Variants in OR8J1 observed in about 807,000 individuals in gnomAD.
The protein encoded by OR8J1 is olfactory receptor family 8 subfamily J member 1.
For missense variants in OR8J1, 400 were observed against 373.0 expected (o/e 1.07, Z -0.60); for synonymous variants, 157 against 144.3 (o/e 1.09, Z -0.63).
rs1395121740 is a variant in OR8J1, at chr11:56,361,255, G to T, written c.*58G>T. ...TAATATAAGCTGCCATTATGTAAAA[G>T]AAAATGTAGGAAAAAGAAAAGGTAG... On this transcript the variant is annotated 3_prime_UTR_variant, in exon 2 of 2. Transcript: ENST00000533152. The T allele has an allele frequency of 4.4e-6, 3 of 679,740 alleles. No homozygotes were observed. The highest frequency in any genetic ancestry group is 1.2e-4 in the South Asian group (2 of 17,384). 42.1% of individuals were successfully genotyped at this position (679,740 alleles called of 1,614,324 possible). A position where few individuals can be genotyped will look rare whatever the true frequency, so the allele number is the denominator to read the frequency against.
Position 56,360,522 on chromosome 11 carries a change from C to T in OR8J1, c.276C>T (p.Thr92=). The change falls in exon 2 of 2, where the codon ACC becomes ACT. Residue 92 remains threonine (T), a synonymous_variant. Coordinates refer to ENST00000533152, the MANE Select transcript of OR8J1 (RefSeq NM_001005205.3). ...ACTTTTTAGTAAAGAAGAAAACTAC[C>T]TCATTCTATGAATGTGCCACCCAAC... ...LINFLVKKKT[T]SFYECATQLG... 2.5e-6 allele frequency: 4 copies of T among 1,614,174 alleles called. No homozygotes were observed. The highest frequency in any genetic ancestry group is 3.4e-6 in the Non-Finnish European group (4 of 1,180,032).
At chr11:56,354,452 A>ATAAGATAAATAAG (rs1267845534) in intron 1 of OR8J1, 127 bp downstream of exon 1, 1 of 152,198 alleles carries the variant, frequency 6.6e-6, no homozygotes, top group Non-Finnish European at 1.5e-5. Flanking sequence ...CAGAAATATG[A>ATAAGATAAATAAG]TAAGATAAAT....
At chr11:56,354,994 A>G (rs1359390500) in intron 1 of OR8J1, among the ~76,000 whole-genome samples, 2 of 152,130 alleles carry the variant, frequency 1.3e-5, no homozygotes, top group Admixed American at 1.3e-4. Context: ...AAGCAGGAGC[A>G]AGACTTTAAG....
chr11:56,357,683 A>G, intron 1 of OR8J1: 1 of 1,582,634 alleles, frequency 6.3e-7, no homozygotes, highest in South Asian at 1.1e-5. Context: ...AGATCTATGA[A>G]GGCCAAGTGG....
At chr11:56,356,693 T>G (rs562856959) in intron 1 of OR8J1, among the ~76,000 whole-genome samples, 26 of 152,210 alleles carry the variant, frequency 1.7e-4, no homozygotes, top group Non-Finnish European at 3.4e-4. Context: ...ATTTTGATTA[T>G]AAATTTTTAT....
intron 1 of OR8J1, among the ~76,000 whole-genome samples, chr11:56,354,585 A>C (rs1854943103): frequency 6.6e-6 from 1 of 152,146 alleles, no homozygotes; most frequent in Non-Finnish European, 1.5e-5. Flanking sequence ...AAATTATGTC[A>C]CTACTGAAAC....
intron 1 of OR8J1, among the ~76,000 whole-genome samples, chr11:56,355,684 A>C (rs542170212): frequency 1.3e-5 from 2 of 152,136 alleles, no homozygotes; most frequent in South Asian, 4.2e-4. Flanking sequence ...ACAGAGTGAG[A>C]CTCCATCTCA....
chr11:56,359,163 G>T (rs184579433), intron 1 of OR8J1, among the ~76,000 whole-genome samples: 1 of 151,996 alleles, frequency 6.6e-6, no homozygotes, highest in Non-Finnish European at 1.5e-5. Context: ...CACAACAGGG[G>T]AACTATAAAT....
chr11:56,354,962 A>G (rs1299020232), intron 1 of OR8J1, among the ~76,000 whole-genome samples: 1 of 152,206 alleles, frequency 6.6e-6, no homozygotes, highest in Non-Finnish European at 1.5e-5. Flanking sequence ...AAGGACTTCA[A>G]TTTGCAGGAA....
intron 1 of OR8J1, among the ~76,000 whole-genome samples, chr11:56,359,012 T>A (rs1442008627): frequency 6.6e-6 from 1 of 152,162 alleles, no homozygotes; most frequent in Admixed American, 6.6e-5. Context: ...TTGTATCTTT[T>A]TTTTTACAAG....
chr11:56,356,186 A>G (rs574844442), intron 1 of OR8J1, among the ~76,000 whole-genome samples: 1 of 152,340 alleles, frequency 6.6e-6, no homozygotes, highest in African/African-American at 2.4e-5. Context: ...AGAAGGATAC[A>G]ATAATTAATG....
At chr11:56,355,457 G>A (rs1385161475) in intron 1 of OR8J1, among the ~76,000 whole-genome samples, 4 of 151,738 alleles carry the variant, frequency 2.6e-5, no homozygotes, top group South Asian at 4.2e-4. Context: ...TCAACACCCC[G>A]TCTCTACTAA....
Position 56,360,361 on chromosome 11 carries a change from A to G in OR8J1, c.115A>G (p.Met39Val), listed in dbSNP as rs1488467758. 1.2e-6 allele frequency: 2 copies of G among 1,613,986 alleles called. No homozygotes were observed. Among genetic ancestry groups the G allele is most frequent in the Non-Finnish European group, 1.7e-6 (2 of 1,180,006 alleles). ...CTTTCTGGTGCTCTATGGGCTGACC[A>G]TGGCAGGGAACCTGGGCATCATCAC... Reference protein sequence around the residue: ...LVFLVLYGLTMAGNLGIITLT... With the variant: ...LVFLVLYGLTVAGNLGIITLT... The change falls in exon 2 of 2, where the codon ATG becomes GTG. Residue 39 changes from methionine (M) to valine (V), a missense_variant. Coordinates refer to ENST00000533152, the MANE Select transcript of OR8J1 (RefSeq NM_001005205.3).
rs761580073 is a variant in OR8J1, at chr11:56,361,131, T to C, written c.885T>C (p.Asn295=). The part of the protein sequence containing the change: ...MLNPLIYSLR[N]KDVKTALQRF... ...ATCCCTTGATCTACAGCCTGAGGAATAAGGATGTGAAGACTGCTCTACAGA... is the reference window on the plus strand; with the variant it reads ...ATCCCTTGATCTACAGCCTGAGGAACAAGGATGTGAAGACTGCTCTACAGA... The change falls in exon 2 of 2, where the codon AAT becomes AAC. Residue 295 remains asparagine (N), a synonymous_variant. Transcript: ENST00000533152. The C allele has an allele frequency of 8.7e-6, 13 of 1,486,650 alleles. No homozygotes were observed. Among genetic ancestry groups the C allele is most frequent in the Non-Finnish European group, 1.2e-5 (13 of 1,126,768 alleles). 92.1% of individuals were successfully genotyped at this position (1,486,650 alleles called of 1,614,324 possible). A position where few individuals can be genotyped will look rare whatever the true frequency, so the allele number is the denominator to read the frequency against.
chr11:56,360,820 A>G lies in OR8J1; in HGVS notation c.574A>G (p.Thr192Ala). Reference sequence around the variant, plus strand: ...TCTGTTAGCATTATCTTGCTCTGATACTTACTTACCAGAAACAGTTGTCTT... The same window carrying G: ...TCTGTTAGCATTATCTTGCTCTGATGCTTACTTACCAGAAACAGTTGTCTT... ...VPLLALSCSD[T>A]YLPETVVFIS... Residue 192 changes from threonine to alanine, a missense_variant, in exon 2 of 2, where the codon ACT (threonine) becomes GCT (alanine). Thr to Ala is a moderately conservative substitution (Grantham distance 58, BLOSUM62 0). Transcript: ENST00000533152. 6.5e-7 allele frequency: 1 copy of G among 1,542,032 alleles called. No homozygotes were observed. The highest frequency in any genetic ancestry group is 8.7e-7 in the Non-Finnish European group (1 of 1,151,586).
intron 1 of OR8J1, chr11:56,358,139 T>C (rs949336758): frequency 1.2e-5 from 5 of 422,222 alleles, no homozygotes; most frequent in African/African-American, 8.0e-5. Flanking sequence ...CATCCCAGAA[T>C]GTCCCTTGCT....
In OR8J1 at chr11:56,361,220, A is replaced by T. The variant is rs199894933; in HGVS notation, c.*23A>T. Reference sequence around the variant, plus strand: ...TAATTTTAAACAGTACAGGTAAATGAGGAGAGAGTTAATATAAGCTGCCAT... The same window carrying T: ...TAATTTTAAACAGTACAGGTAAATGTGGAGAGAGTTAATATAAGCTGCCAT... On this transcript the variant is annotated 3_prime_UTR_variant, in exon 2 of 2. Transcript: ENST00000533152. 42 of 1,010,604 alleles carry T rather than the reference A, an allele frequency of 4.2e-5. No homozygotes were observed. Among genetic ancestry groups the T allele is most frequent in the Middle Eastern group, 4.6e-4 (2 of 4,332 alleles). 62.6% of individuals were successfully genotyped at this position (1,010,604 alleles called of 1,614,324 possible).
intron 1 of OR8J1, chr11:56,358,133 C>A: frequency 2.3e-6 from 1 of 433,918 alleles, no homozygotes; most frequent in South Asian, 3.1e-5. Flanking sequence ...CAGAACCATC[C>A]CAGAATGTCC....
At chr11:56,357,281 G>T (rs1854980561) in intron 1 of OR8J1, 2 of 444,048 alleles carry the variant, frequency 4.5e-6, no homozygotes, top group Admixed American at 6.7e-5. Flanking sequence ...AAGGCCTGCA[G>T]GTCTCTGTCA....
Sources: gnomAD v4.1 joint callset for allele counts (sites outside exome capture counted in the v4.1 genomes callset) on GRCh38, gnomAD v4.1.1 for gene constraint, MANE v1.5 for transcripts, NCBI Gene and HGNC (gene_info 2026-07-23, HGNC 2026-07-21) for gene names.